METTL27: variants seen among roughly 807,000 people sequenced by gnomAD.
The protein encoded by METTL27 is methyltransferase like 27, also known as methyltransferase-like protein 27.
A neutral mutation model predicts 24.5 loss-of-function variants in METTL27; 29 were observed. That is an observed-to-expected ratio of 1.18 (90% CI 0.88 to 1.61). The LOEUF (loss-of-function observed/expected upper bound fraction) is 1.61, where lower values mean the gene tolerates loss of function less well. Ranked by LOEUF, METTL27 falls within the 40% of genes most tolerant of loss-of-function variation. The pLI, the probability that METTL27 is intolerant of heterozygous loss-of-function variation, is 0.00. For synonymous variants in METTL27, 138 were observed against 146.8 expected, an observed-to-expected ratio of 0.94 and a Z score of 0.43; for missense variants, 341 against 324.3, an observed-to-expected ratio of 1.05 and a Z score of -0.40.
Position 73,834,746 on chromosome 7 carries a change from C to A in METTL27, c.735G>T (p.Lys245Asn). The change falls in exon 6 of 6, where the codon AAG becomes AAT. Residue 245 changes from lysine (K) to asparagine (N), a missense_variant. Coordinates refer to ENST00000297873, the MANE Select transcript of METTL27 (RefSeq NM_152559.3). ...TESGRRPRLR[K>N] ...GCTGGGGGCTGGGGGCTGGATCTCACTTCCTCAACCTGGGTCGCCTTCCAC... is the reference window on the plus strand; with the variant it reads ...GCTGGGGGCTGGGGGCTGGATCTCAATTCCTCAACCTGGGTCGCCTTCCAC... The A allele has an allele frequency of 6.2e-7, 1 of 1,613,578 alleles. No homozygotes were observed. Among genetic ancestry groups the A allele is most frequent in the Non-Finnish European group, 8.5e-7 (1 of 1,179,696 alleles).
Position 73,842,102 on chromosome 7 carries a change from C to G in METTL27, c.39G>C (p.Arg13=). 2 of 1,613,528 alleles carry G rather than the reference C, an allele frequency of 1.2e-6. No individual in the cohort carries two copies. Among genetic ancestry groups the G allele is most frequent in the Non-Finnish European group, 1.7e-6 (2 of 1,179,932 alleles). Residue 13 remains arginine (R), a synonymous_variant, in exon 2 of 6, where the codon CGG becomes CGC. Coordinates refer to ENST00000297873, the MANE Select transcript of METTL27 (RefSeq NM_152559.3). The part of the protein sequence containing the change: ...QEEGGSLPEV[R]ARVRAAHGIP... ...TGCCATGCGCGGCCCTGACCCGCGC[C>G]CGCACCTCGGGCAGGCTCCCACCCT...
At chr7:73,841,029 G>A in intron 3 of METTL27, 41 bp downstream of exon 3, 1 of 1,426,610 alleles carries the variant, frequency 7.0e-7, no homozygotes, top group Non-Finnish European at 9.2e-7. Flanking sequence ...TTGAGGAAGT[G>A]CGGGGCTAAG....
At chr7:73,841,471 CTT>C (rs34544195) in intron 2 of METTL27, among the ~76,000 whole-genome samples, 10 of 131,022 alleles carry the variant, frequency 7.6e-5, no homozygotes, top group Admixed American at 1.5e-4. Flanking sequence ...GTCCACATGA[CTT>C]TTTTTTTTTT....
At chr7:73,835,113 G>C in intron 5 of METTL27, 111 bp from the exon 6 acceptor site, 1 of 1,424,502 alleles carries the variant, frequency 7.0e-7, no homozygotes, top group East Asian at 2.6e-5. Context: ...TAAAAGATTG[G>C]GGACGCTCTC....
chr7:73,841,884 G>T, intron 2 of METTL27, 134 bp downstream of exon 2: 1 of 1,450,472 alleles, frequency 6.9e-7, no homozygotes. Context: ...TTCTGGAAGG[G>T]GCAGGACTGT....
chr7:73,842,262 A>C, intron 1 of METTL27, 118 bp from the exon 2 acceptor site: 5 of 1,440,918 alleles, frequency 3.5e-6, no homozygotes, highest in Non-Finnish European at 3.7e-6. Context: ...CGCGACCCCT[A>C]TCCCGGCCCC....
Position 73,838,451 on chromosome 7 carries a change from C to G in METTL27, c.478+1580G>C, listed in dbSNP as rs191909769. 2.5e-3 allele frequency among the ~76,000 whole-genome samples: 384 copies of G among 152,248 alleles called. 3 individuals are homozygous for G. The highest frequency in any genetic ancestry group is 8.7e-3 in the African/African-American group (361 of 41,544). ...GTCCAGGCACCTATAGTGTGCGTGC[C>G]CAGGGTGGCCCCAAGTGCACTGAGA... is the stretch of plus-strand genomic sequence containing the variant. On this transcript the variant is annotated intron_variant, in intron 5 of 5. Coordinates refer to ENST00000297873, the MANE Select transcript of METTL27 (RefSeq NM_152559.3).
chr7:73,841,866 G>T, intron 2 of METTL27, 152 bp downstream of exon 2: 1 of 1,280,476 alleles, frequency 7.8e-7, no homozygotes, highest in East Asian at 2.6e-5. Context: ...CCAGAGCTGT[G>T]GGGCGGGTTC....
chr7:73,835,224 C>T (rs565646755), intron 5 of METTL27: 13 of 576,142 alleles, frequency 2.3e-5, no homozygotes, highest in African/African-American at 4.3e-5. Context: ...CTCTCCCTCT[C>T]CCCACGGTCT....
At chr7:73,842,256 ACCCCTATCCCGG>A (rs1226719006) in intron 1 of METTL27, 112 bp from the exon 2 acceptor site, 2 of 1,464,984 alleles carry the variant, frequency 1.4e-6, no homozygotes, top group African/African-American at 1.4e-5. Context: ...TGCCAGCGCG[ACCCCTATCCCGG>A]CCCCTATCCC....
rs1306363115 is a variant in METTL27 at position 73,836,206 on chromosome 7, C to A, written c.479-1204G>T. On this transcript the variant is annotated intron_variant, in intron 5 of 5. Transcript: ENST00000297873. ...GGGGGTCAGCCCCCCGCCAGGCCAG[C>A]CGCCCCGTCCGGGAGGGAGGTGGGG... Among the ~76,000 whole-genome samples the A allele has an allele frequency of 1.9e-3, 84 of 44,976 alleles. 2 individuals are homozygous for A. In the East Asian group the frequency reaches 0.047, roughly 25 times the overall value. 29.5% of individuals were successfully genotyped at this position (44,976 alleles called of 152,430 possible).
chr7:73,840,098 T>G lies in METTL27; in HGVS notation c.411A>C (p.Ile137=), dbSNP rs782522064. The G allele has an allele frequency of 2.6e-6, 4 of 1,549,990 alleles. No individual in the cohort carries two copies. The highest frequency in any genetic ancestry group is 3.5e-6 in the Non-Finnish European group (4 of 1,145,660). Residue 137 remains isoleucine, a synonymous_variant, in exon 5 of 6, where the codon ATA becomes ATC. Transcript: ENST00000297873. ...SPEGTFDAVL[I]VGALSDGQVP... ...CCTGGCCGTCACTGAGGGCACCGAC[T>G]ATCAGCACCGCGTCGAAGGTCCCTG...
chr7:73,836,445 A>G (rs1788199632), intron 5 of METTL27, among the ~76,000 whole-genome samples: 1 of 141,558 alleles, frequency 7.1e-6, no homozygotes, highest in African/African-American at 2.7e-5. Flanking sequence ...CCCGTCCGGG[A>G]GGTGAGGGGC....
At chr7:73,841,045 G>A in intron 3 of METTL27, 25 bp downstream of exon 3, 2 of 1,458,284 alleles carry the variant, frequency 1.4e-6, no homozygotes, top group Non-Finnish European at 1.8e-6. Flanking sequence ...CTAAGGAGTA[G>A]GCAGGGGATC....
rs550675381 is a variant in METTL27 at position 73,837,814 on chromosome 7, G to A, written c.478+2217C>T. Among the ~76,000 whole-genome samples, 11 of 152,046 alleles carry A rather than the reference G, an allele frequency of 7.2e-5. No homozygotes were observed. In the South Asian group the frequency reaches 1.9e-3, roughly 26 times the overall value. On this transcript the variant is annotated intron_variant, in intron 5 of 5. Transcript: ENST00000297873. ...TGACCTCAGGTGATCTGCCCGCTGG[G>A]GATTATAAGCGTGAGCCACTGTGCC...
At chr7:73,841,967 G>A (rs781893391) in intron 2 of METTL27, 51 bp downstream of exon 2, 4 of 1,613,324 alleles carry the variant, frequency 2.5e-6, no homozygotes, top group African/African-American at 1.3e-5. Context: ...CACTTTACAG[G>A]TAGAAAAATG....
At chr7:73,841,697 C>T (rs887212277) in intron 2 of METTL27, among the ~76,000 whole-genome samples, 4 of 152,078 alleles carry the variant, frequency 2.6e-5, no homozygotes, top group African/African-American at 7.2e-5. Context: ...AGGCTGGTCT[C>T]GAACTCCTGA....
In METTL27 at chr7:73,841,054, T is replaced by C; in HGVS notation, c.252+16A>G. On this transcript the variant is annotated intron_variant, in intron 3 of 5. Transcript: ENST00000297873. ...GCGGGGCTAAGGAGTAGGCAGGGGA[T>C]CTGGAAGAGCCTCACCTCGGCAGCC... 6.8e-7 allele frequency: 1 copy of C among 1,467,860 alleles called. No individual in the cohort carries two copies. The highest frequency in any genetic ancestry group is 9.0e-7 in the Non-Finnish European group (1 of 1,113,900). 90.9% of individuals were successfully genotyped at this position (1,467,860 alleles called of 1,614,324 possible). A position where few individuals can be genotyped will look rare whatever the true frequency, so the allele number is the denominator to read the frequency against.
Position 73,840,338 on chromosome 7 carries a change from A to G in METTL27, c.388+76T>C, listed in dbSNP as rs1223690910. The G allele has an allele frequency of 7.8e-6, 12 of 1,541,444 alleles. No individual in the cohort carries two copies. The South Asian group carries it at 8.5e-5, about 11-fold the overall frequency. Reference sequence around the variant, plus strand: ...TGAGGGACTGGGAGCTTAGTGTGGGAGAGGGATGGAGGATCAGCAAGGGAA... The same window carrying G: ...TGAGGGACTGGGAGCTTAGTGTGGGGGAGGGATGGAGGATCAGCAAGGGAA... On this transcript the variant is annotated intron_variant, in intron 4 of 5. Transcript: ENST00000297873.
Sources: gnomAD v4.1 joint callset for allele counts (sites outside exome capture counted in the v4.1 genomes callset) on GRCh38, gnomAD v4.1.1 for gene constraint, MANE v1.5 for transcripts, NCBI Gene and HGNC (gene_info 2026-07-23, HGNC 2026-07-21) for gene names.